The following CNOT4 variants were observed in gnomAD, a reference collection of about 807,000 sequenced individuals.
CNOT4 encodes CCR4-associated factor 4.
A neutral mutation model predicts 73.8 loss-of-function variants in CNOT4; 8 were observed. The ratio of observed to expected loss-of-function variants is 0.11; its 90% CI spans 0.06 to 0.20. The LOEUF is 0.20. Among genes scored for constraint, CNOT4 ranks in the 10% least tolerant of loss-of-function variants. The probability of loss-of-function intolerance (pLI) is 1.00; values close to 1 mark genes in which losing one functional copy is unlikely to be tolerated. For synonymous variants in CNOT4, 293 were observed against 321.1 expected, an observed-to-expected ratio of 0.91 and a Z score of 0.94; for missense variants, 564 against 883.4, an observed-to-expected ratio of 0.64 and a Z score of 4.58.
At chr7:135,367,797 CATAAG>C (rs763009553) in intron 10 of CNOT4, among the ~76,000 whole-genome samples, 1 of 151,920 alleles carries the variant, frequency 6.6e-6, no homozygotes. Flanking sequence ...TTAAACTTAC[CATAAG>C]ATGTGAAAAG....
chr7:135,427,953 T>C (rs1453416641), intron 2 of CNOT4, among the ~76,000 whole-genome samples: 2 of 152,110 alleles, frequency 1.3e-5, no homozygotes, highest in East Asian at 1.9e-4. Flanking sequence ...TTTGGCAAGA[T>C]AGGTTCCATG....
rs143929776 is a variant in CNOT4 at position 135,492,504 on chromosome 7, G to A, written c.-93+17385C>T. Among the ~76,000 whole-genome samples the A allele has an allele frequency of 1.1e-4, 16 of 152,286 alleles. No individual in the cohort carries two copies. In the East Asian group the frequency reaches 2.7e-3, roughly 26 times the overall value. On this transcript the variant is annotated intron_variant, in intron 1 of 11. Transcript: ENST00000541284. The stretch of plus-strand genomic sequence containing the variant: ...ACAGTGAAAAGGCAATAGAATCAGT[G>A]GACTGACAGTTTTAATGACGGTGAG...
intron 1 of CNOT4, among the ~76,000 whole-genome samples, chr7:135,482,771 A>G (rs982854949): frequency 6.6e-6 from 1 of 151,136 alleles, no homozygotes; most frequent in Non-Finnish European, 1.5e-5. Flanking sequence ...ACCTGAGGTC[A>G]GGAGTTCAAG....
intron 2 of CNOT4, among the ~76,000 whole-genome samples, chr7:135,428,430 T>A (rs940912809): frequency 1.3e-5 from 2 of 152,176 alleles, no homozygotes; most frequent in Admixed American, 6.5e-5. Context: ...AAGATGTTTT[T>A]AAAAAATAAT....
At chr7:135,503,044 T>C (rs1281594220) in intron 1 of CNOT4, among the ~76,000 whole-genome samples, 1 of 151,666 alleles carries the variant, frequency 6.6e-6, no homozygotes, top group African/African-American at 2.4e-5. Context: ...TTCTAGCTAC[T>C]TGGGAGACTG....
rs138381731 is a variant in CNOT4, at chr7:135,404,013, C to T, written c.822-5787G>A. ...ACTGCCCCTTAACCCCACACTCATC[C>T]CACCCCACCCTCTGGAACAAATACT... is the stretch of plus-strand genomic sequence containing the variant. On this transcript the variant is annotated intron_variant, in intron 7 of 11. Transcript: ENST00000541284. Among the ~76,000 whole-genome samples the T allele has an allele frequency of 5.0e-3, 755 of 152,244 alleles. 13 individuals carry two copies. The highest frequency in any genetic ancestry group is 0.017 in the African/African-American group (726 of 41,558).
chr7:135,451,659 TA>T (rs1451928846), intron 1 of CNOT4, among the ~76,000 whole-genome samples: 3 of 152,088 alleles, frequency 2.0e-5, no homozygotes, highest in Non-Finnish European at 2.9e-5. Flanking sequence ...AGCAAACCCT[TA>T]GGGGGAAAAA....
At position 135,398,186 on chromosome 7, in the gene CNOT4, C is replaced by T. The variant is rs531231098; in HGVS notation, c.862G>A (p.Gly288Ser). The stretch of plus-strand genomic sequence containing the variant: ...AATCTTACCTGCTGGGAATTATCAC[C>T]GTTCCCTATACTGAGAGAATCTGAA... Reference protein sequence around the residue: ...KPSDSLSIGNGDNSQQISNSD... With the variant: ...KPSDSLSIGNSDNSQQISNSD... The change falls in exon 8 of 12, where the codon GGT becomes AGT. Residue 288 changes from glycine to serine, a missense_variant. Gly to Ser is a moderately conservative substitution (Grantham distance 56, BLOSUM62 0). Transcript: ENST00000541284. 9 of 1,550,114 alleles carry T rather than the reference C, an allele frequency of 5.8e-6. No homozygotes were observed. In the South Asian group the frequency reaches 6.7e-5, roughly 12 times the overall value.
Position 135,362,748 on chromosome 7 carries a change from T to G in CNOT4, c.*137A>C. 2 of 842,724 alleles carry G rather than the reference T, an allele frequency of 2.4e-6. No homozygotes were observed. Among genetic ancestry groups the G allele is most frequent in the Non-Finnish European group, 4.1e-6 (2 of 485,738 alleles). The allele number at this position is 842,724 out of a possible 1,614,324, so 52.2% of individuals were successfully genotyped here. A position where few individuals can be genotyped will look rare whatever the true frequency, so the allele number is the denominator to read the frequency against. On this transcript the variant is annotated 3_prime_UTR_variant, in exon 12 of 12. Coordinates refer to ENST00000541284, the MANE Select transcript of CNOT4 (RefSeq NM_001190850.2). ...CCCTGTGATCGCATTGCATCTGGGG[T>G]TAGGGAGAAAAAAAATTGATCAGGT...
At chr7:135,419,884 A>G (rs955469619) in intron 3 of CNOT4, among the ~76,000 whole-genome samples, 1 of 150,582 alleles carries the variant, frequency 6.6e-6, no homozygotes, top group Non-Finnish European at 1.5e-5. Flanking sequence ...CTCCACTAAA[A>G]ATCCAAAAAA....
chr7:135,423,340 C>A (rs1319316068), intron 2 of CNOT4, among the ~76,000 whole-genome samples: 12 of 126,258 alleles, frequency 9.5e-5, no homozygotes, highest in African/African-American at 1.2e-4. Flanking sequence ...GAGTGGGGAA[C>A]AACAGAAATA....
At position 135,388,520 on chromosome 7, in the gene CNOT4, G is replaced by A. The variant is rs537060114; in HGVS notation, c.1627+5398C>T. 4.5e-3 allele frequency: 4,642 copies of A among 1,035,948 alleles called. 14 individuals are homozygous for A. The highest frequency in any genetic ancestry group is 5.1e-3 in the Non-Finnish European group (4,363 of 861,920). 64.2% of individuals were successfully genotyped at this position (1,035,948 alleles called of 1,614,324 possible). A position where few individuals can be genotyped will look rare whatever the true frequency, so the allele number is the denominator to read the frequency against. Reference sequence around the variant, plus strand: ...AACAATTCTAGCTAATCTCACCTGGGATCTTAGTACTACAAGTTTATTTTT... The same window carrying A: ...AACAATTCTAGCTAATCTCACCTGGAATCTTAGTACTACAAGTTTATTTTT... On this transcript the variant is annotated intron_variant, in intron 10 of 11. Coordinates refer to ENST00000541284, the MANE Select transcript of CNOT4 (RefSeq NM_001190850.2).
chr7:135,413,076 T>C (rs947185564), intron 6 of CNOT4, among the ~76,000 whole-genome samples: 1 of 152,008 alleles, frequency 6.6e-6, no homozygotes, highest in African/African-American at 2.4e-5. Flanking sequence ...GTAAAGAGTA[T>C]AGATTGGTTT....
intron 1 of CNOT4, among the ~76,000 whole-genome samples, chr7:135,485,209 A>AT (rs1209217693): frequency 6.6e-6 from 1 of 152,000 alleles, no homozygotes; most frequent in Non-Finnish European, 1.5e-5. Context: ...AGTAGCTGGG[A>AT]TTACAGGTGC....
chr7:135,426,636 A>G (rs1347966379), intron 2 of CNOT4, among the ~76,000 whole-genome samples: 1 of 150,964 alleles, frequency 6.6e-6, no homozygotes, highest in African/African-American at 2.4e-5. Context: ...AGAAAGAAAA[A>G]TACAGGCTGG....
At chr7:135,452,331 A>G (rs1563058634) in intron 1 of CNOT4, among the ~76,000 whole-genome samples, 1 of 152,188 alleles carries the variant, frequency 6.6e-6, no homozygotes, top group Non-Finnish European at 1.5e-5. Flanking sequence ...GAACTTTGGG[A>G]GGCCAAGGCA....
chr7:135,495,696 AAG>A (rs1563083500), intron 1 of CNOT4, among the ~76,000 whole-genome samples: 269 of 24,338 alleles, frequency 0.011, 11 homozygotes, highest in African/African-American at 0.032. Flanking sequence ...AAAAAAAAGA[AAG>A]AAAGAAAGAA....
chr7:135,460,500 G>A (rs1045944451), intron 1 of CNOT4, among the ~76,000 whole-genome samples: 2 of 152,180 alleles, frequency 1.3e-5, no homozygotes, highest in African/African-American at 4.8e-5. Flanking sequence ...GCAATAGCCA[G>A]TCACCAGAGC....
At position 135,406,012 on chromosome 7, in the gene CNOT4, T is replaced by C. The variant is rs1282865641; in HGVS notation, c.821+4503A>G. 2.0e-5 allele frequency among the ~76,000 whole-genome samples: 3 copies of C among 152,298 alleles called. 1 individual carries two copies. Among genetic ancestry groups the C allele is most frequent in the South Asian group, 4.2e-4 (2 of 4,816 alleles). ...TAGAAAGTTTAAGTCTTAACTTACC[T>C]TGAAGATGAAGAAACCTATCTCTTG... On this transcript the variant is annotated intron_variant, in intron 7 of 11. Coordinates refer to ENST00000541284, the MANE Select transcript of CNOT4 (RefSeq NM_001190850.2).
Sources: gnomAD v4.1 joint callset for allele counts (sites outside exome capture counted in the v4.1 genomes callset) on GRCh38, gnomAD v4.1.1 for gene constraint, MANE v1.5 for transcripts, NCBI Gene and HGNC (gene_info 2026-07-23, HGNC 2026-07-21) for gene names.